TRPM3: variants seen among roughly 807,000 people sequenced by gnomAD.
The protein encoded by TRPM3 is transient receptor potential cation channel subfamily M member 3, also known as long transient receptor potential channel 3.
A neutral mutation model predicts 181.2 loss-of-function variants in TRPM3; 77 were observed. The ratio of observed to expected loss-of-function variants is 0.42; its 90% CI spans 0.35 to 0.51. The LOEUF is 0.51. TRPM3 is among the 20% of genes least tolerant of loss of function. The pLI, the probability that TRPM3 is intolerant of heterozygous loss-of-function variation, is 0.01. For missense variants in TRPM3, 1,759 were observed against 2,196.7 expected (o/e 0.80, Z 3.98); for synonymous variants, 745 against 796.4 (o/e 0.94, Z 1.09).
At chr9:70,544,831 T>A (rs1276553448) in intron 25 of TRPM3, among the ~76,000 whole-genome samples, 2 of 152,140 alleles carry the variant, frequency 1.3e-5, no homozygotes, top group African/African-American at 4.8e-5. Flanking sequence ...AGAAGAAGTT[T>A]GAGGATATTG....
intron 5 of TRPM3, 131 bp from the exon 6 acceptor site, chr9:70,828,149 T>A: frequency 1.1e-6 from 1 of 901,498 alleles, no homozygotes; most frequent in Non-Finnish European, 1.7e-6. Flanking sequence ...ACAGTCTACA[T>A]CTTCTTCTTA....
chr9:71,194,538 C>CA lies in TRPM3; in HGVS notation c.183+252114dup, dbSNP rs148789424. ...GAGCTTGGGCATCGTAAAAAGATGACAGTAAAACTAGAAGATGGAAAGACA... is the reference window on the plus strand; with the variant it reads ...GAGCTTGGGCATCGTAAAAAGATGACAAGTAAAACTAGAAGATGGAAAGACA... On this transcript the variant is annotated intron_variant, in intron 1 of 24. Coordinates refer to the TRPM3 transcript ENST00000357533. Among the ~76,000 whole-genome samples, 1,129 of 151,918 alleles carry CA rather than the reference C, an allele frequency of 7.4e-3. 5 individuals are homozygous for CA. Among genetic ancestry groups the CA allele is most frequent in the Non-Finnish European group, 0.012 (781 of 67,892 alleles).
In TRPM3 at chr9:70,625,454, G is replaced by C; in HGVS notation, c.1668+28C>G. The C allele has an allele frequency of 6.2e-7, 1 of 1,601,112 alleles. No individual in the cohort carries two copies. Among genetic ancestry groups the C allele is most frequent in the Non-Finnish European group, 8.5e-7 (1 of 1,174,376 alleles). ...ATAATGAAAAAAGAAACATATGAAT[G>C]TATTATTATGCTGGTTAATTAATTC... On this transcript the variant is annotated intron_variant, in intron 13 of 25. Coordinates refer to ENST00000677713, the MANE Select transcript of TRPM3 (RefSeq NM_001366145.2). The surrounding 1 kb of genome is among the most constrained non-coding windows in gnomAD (Gnocchi z 4.8).
intron 1 of TRPM3, among the ~76,000 whole-genome samples, chr9:71,085,131 A>T (rs2065055539): frequency 6.6e-6 from 1 of 152,064 alleles, no homozygotes; most frequent in African/African-American, 2.4e-5. Flanking sequence ...AAATTAACTC[A>T]AGATGGATTA....
chr9:70,880,455 T>C (rs2095967365), intron 1 of TRPM3, among the ~76,000 whole-genome samples: 1 of 152,148 alleles, frequency 6.6e-6, no homozygotes, highest in East Asian at 1.9e-4. Flanking sequence ...TTTTAAATGA[T>C]GGTCCTTGCT....
chr9:70,831,138 C>T (rs1440355522), intron 5 of TRPM3, among the ~76,000 whole-genome samples: 1 of 152,132 alleles, frequency 6.6e-6, no homozygotes, highest in Non-Finnish European at 1.5e-5. Flanking sequence ...CCAAATACCT[C>T]AAAGGAATAC....
At chr9:70,600,160 G>A (rs778525155) in intron 20 of TRPM3, among the ~76,000 whole-genome samples, 1 of 152,130 alleles carries the variant, frequency 6.6e-6, no homozygotes, top group Non-Finnish European at 1.5e-5. Flanking sequence ...CTGCATCACA[G>A]ACCACCCCAG....
At chr9:71,196,045 TA>T in intron 1 of TRPM3, among the ~76,000 whole-genome samples, 1 of 151,822 alleles carries the variant, frequency 6.6e-6, no homozygotes. Flanking sequence ...GGTGACGAAA[TA>T]ATCTTTACAT....
intron 3 of TRPM3, among the ~76,000 whole-genome samples, chr9:70,861,577 G>A (rs1378545678): frequency 2.6e-5 from 4 of 152,122 alleles, no homozygotes; most frequent in South Asian, 2.1e-4. Flanking sequence ...GGGACAACTC[G>A]CATGACTTTT....
At chr9:71,035,917 G>T (rs1004776204) in intron 1 of TRPM3, among the ~76,000 whole-genome samples, 10 of 142,622 alleles carry the variant, frequency 7.0e-5, no homozygotes, top group Non-Finnish European at 1.1e-4. Context: ...GTTATATAAA[G>T]AAATCTAGTG....
At chr9:70,869,113 G>A in intron 1 of TRPM3, 1 of 942,090 alleles carries the variant, frequency 1.1e-6, no homozygotes, top group Non-Finnish European at 1.3e-6. Context: ...GAAAAAAAAA[G>A]TCACTTGTTC....
At chr9:71,292,000 A>G (rs1181380289) in intron 1 of TRPM3, among the ~76,000 whole-genome samples, 1 of 152,136 alleles carries the variant, frequency 6.6e-6, no homozygotes, top group East Asian at 1.9e-4. Context: ...TAAGTCAGAA[A>G]CAAATAATGA....
chr9:70,961,387 G>C (rs900883598), intron 1 of TRPM3, among the ~76,000 whole-genome samples: 1 of 152,154 alleles, frequency 6.6e-6, no homozygotes, highest in Non-Finnish European at 1.5e-5. Context: ...ATCTTAAGCT[G>C]TTAAGTTTGC....
intron 1 of TRPM3, among the ~76,000 whole-genome samples, chr9:70,941,944 A>T (rs1757131987): frequency 6.6e-6 from 1 of 152,216 alleles, no homozygotes; most frequent in African/African-American, 2.4e-5. Flanking sequence ...ATTTGTTTCA[A>T]AAAGAATCAG....
intron 1 of TRPM3, among the ~76,000 whole-genome samples, chr9:70,991,427 T>C (rs933037608): frequency 6.6e-6 from 1 of 152,178 alleles, no homozygotes; most frequent in African/African-American, 2.4e-5. Flanking sequence ...ACGATAGTTA[T>C]TAGACTTGCT....
chr9:71,149,376 C>G (rs2075605559), intron 1 of TRPM3, among the ~76,000 whole-genome samples: 1 of 152,104 alleles, frequency 6.6e-6, no homozygotes, highest in Non-Finnish European at 1.5e-5. Context: ...ACACTCCAGC[C>G]TGGGTGACAG....
At chr9:70,796,691 T>C (rs990960979) in intron 6 of TRPM3, among the ~76,000 whole-genome samples, 10 of 152,264 alleles carry the variant, frequency 6.6e-5, no homozygotes, top group Admixed American at 2.0e-4. Flanking sequence ...ATTAATTACA[T>C]GAGTAATGAC....
chr9:70,802,618 G>A (rs925188459), intron 6 of TRPM3, among the ~76,000 whole-genome samples: 3 of 152,134 alleles, frequency 2.0e-5, no homozygotes, highest in African/African-American at 7.2e-5. Flanking sequence ...GCCAATTTTT[G>A]ATGCCTATTT....
At chr9:70,882,700 G>A (rs1476414363) in intron 1 of TRPM3, among the ~76,000 whole-genome samples, 2 of 152,006 alleles carry the variant, frequency 1.3e-5, no homozygotes, top group African/African-American at 4.8e-5. Flanking sequence ...TCAAGTTCTT[G>A]GAAGTTATTT....
Sources: gnomAD v4.1 joint callset for allele counts (sites outside exome capture counted in the v4.1 genomes callset) on GRCh38, gnomAD v4.1.1 for gene constraint, Gnocchi (gnomAD v3.1) non-coding constraint, MANE v1.5 for transcripts, NCBI Gene and HGNC (gene_info 2026-07-23, HGNC 2026-07-21) for gene names.